The following EDAR variants were observed in gnomAD, a reference collection of about 807,000 sequenced individuals.
EDAR encodes tumor necrosis factor receptor superfamily member EDAR.
A neutral mutation model predicts 51.3 loss-of-function variants in EDAR; 38 were observed. That is an observed-to-expected ratio of 0.74 (90% CI 0.57 to 0.97). The LOEUF (loss-of-function observed/expected upper bound fraction) is 0.97, where lower values mean the gene tolerates loss of function less well. EDAR is among the 50% of genes least tolerant of loss of function. The pLI is 0.00. For synonymous variants in EDAR, 227 were observed against 242.1 expected (o/e 0.94, Z 0.58); for missense variants, 528 against 595.0 (o/e 0.89, Z 1.17).
In EDAR at chr2:108,958,323, C is replaced by T. The variant is rs114253499; in HGVS notation, c.-18-27291G>A. ...ACTGGCTGCTTGAGGTACTTCAGCT[C>T]GTAACGACCACATAATCTAAGATAA... On this transcript the variant is annotated intron_variant, in intron 1 of 11. Coordinates refer to ENST00000258443, the MANE Select transcript of EDAR (RefSeq NM_022336.4). Among the ~76,000 whole-genome samples the T allele has an allele frequency of 1.9e-3, 291 of 152,090 alleles. 1 individual carries two copies. The highest frequency in any genetic ancestry group is 6.4e-3 in the African/African-American group (267 of 41,462).
At chr2:108,975,829 G>A (rs1242505086) in intron 1 of EDAR, among the ~76,000 whole-genome samples, 1 of 152,178 alleles carries the variant, frequency 6.6e-6, no homozygotes, top group Non-Finnish European at 1.5e-5. Flanking sequence ...AGCTCGAGAA[G>A]TCAAGGCCAC....
chr2:108,952,058 T>G (rs1697837420), intron 1 of EDAR, among the ~76,000 whole-genome samples: 1 of 152,232 alleles, frequency 6.6e-6, no homozygotes, highest in Non-Finnish European at 1.5e-5. Flanking sequence ...TGCTTTGTTT[T>G]TTCATTTGTT....
At chr2:108,980,652 G>A (rs1017347808) in intron 1 of EDAR, among the ~76,000 whole-genome samples, 4 of 152,112 alleles carry the variant, frequency 2.6e-5, no homozygotes, top group Non-Finnish European at 5.9e-5. Flanking sequence ...GCCAGGGAGG[G>A]TTTCTCTGAT....
rs761999077 is a variant in EDAR, at chr2:108,901,777, CTT to C, written c.1024+4529_1024+4530del. On this transcript the variant is annotated intron_variant, in intron 11 of 11. Coordinates refer to ENST00000258443, the MANE Select transcript of EDAR (RefSeq NM_022336.4). Reference sequence around the variant, plus strand: ...ATATAAAATAGATCATTTGAACAGACTTATAACTATTAAGGAAGCTGAATTTG... The same window carrying C: ...ATATAAAATAGATCATTTGAACAGACATAACTATTAAGGAAGCTGAATTTG... Among the ~76,000 whole-genome samples the C allele has an allele frequency of 3.9e-5, 6 of 152,304 alleles. No individual in the cohort carries two copies. The East Asian group carries it at 5.8e-4, about 15-fold the overall frequency.
At chr2:108,929,483 G>T (rs1697324898) in intron 3 of EDAR, 104 bp from the exon 4 acceptor site, 1 of 1,250,438 alleles carries the variant, frequency 8.0e-7, no homozygotes. Context: ...GTCTCCAGAA[G>T]CTACTCTTGC....
intron 11 of EDAR, 100 bp from the exon 12 acceptor site, chr2:108,897,329 AAT>A: frequency 8.1e-7 from 1 of 1,228,100 alleles, no homozygotes; most frequent in Non-Finnish European, 1.1e-6. Context: ...ATTTGAAAAA[AAT>A]TTTTTTAAAA....
Position 108,929,254 on chromosome 2 carries a change from G to C in EDAR, c.300C>G (p.Thr100=). Reference sequence around the variant, plus strand: ...TCTCCATGTCCCCTGGTGTCAGCACGGTGGCCCGGAAGAAGCCCTCACAGT... The same window carrying C: ...TCTCCATGTCCCCTGGTGTCAGCACCGTGGCCCGGAAGAAGCCCTCACAGT... ...HKDCEGFFRA[T]VLTPGDMEND... The change falls in exon 4 of 12, where the codon ACC becomes ACG. Residue 100 remains threonine, a synonymous_variant. Coordinates refer to ENST00000258443, the MANE Select transcript of EDAR (RefSeq NM_022336.4). The C allele has an allele frequency of 1.2e-6, 2 of 1,614,170 alleles. No individual in the cohort carries two copies. Among genetic ancestry groups the C allele is most frequent in the Non-Finnish European group, 1.7e-6 (2 of 1,180,034 alleles).
chr2:108,961,275 T>C (rs542004647), intron 1 of EDAR, among the ~76,000 whole-genome samples: 30 of 152,140 alleles, frequency 2.0e-4, no homozygotes, highest in Non-Finnish European at 3.7e-4. Context: ...GTCCTTTCCC[T>C]CCTAAATAAT....
At chr2:108,981,217 G>A (rs1698414729) in intron 1 of EDAR, among the ~76,000 whole-genome samples, 1 of 152,154 alleles carries the variant, frequency 6.6e-6, no homozygotes, top group Non-Finnish European at 1.5e-5. Context: ...ACCAGCACGG[G>A]AAGGGGCTGG....
chr2:108,909,461 G>GGAATCATAGGAAGATCATA (rs1333294284), intron 9 of EDAR, among the ~76,000 whole-genome samples: 2 of 152,288 alleles, frequency 1.3e-5, no homozygotes, highest in East Asian at 3.9e-4. Context: ...GGAAGATCAT[G>GGAATCATAGGAAGATCATA]GGGTGGGGGC....
chr2:108,986,862 G>A (rs934304050), intron 1 of EDAR, among the ~76,000 whole-genome samples: 4 of 152,214 alleles, frequency 2.6e-5, no homozygotes, highest in Non-Finnish European at 5.9e-5. Context: ...CATACTCACA[G>A]GAAAGGCTGG....
Position 108,896,819 on chromosome 2 carries a change from C to T in EDAR, c.*88G>A. ...GTGACATATCACAAAAGCCTTGATT[C>T]TTGGCAGTCTTTTGGCACCACTCAC... On this transcript the variant is annotated 3_prime_UTR_variant, in exon 12 of 12. Transcript: ENST00000258443. 7.5e-7 allele frequency: 1 copy of T among 1,335,556 alleles called. No homozygotes were observed. The highest frequency in any genetic ancestry group is 1.0e-6 in the Non-Finnish European group (1 of 962,904). 82.7% of individuals were successfully genotyped at this position (1,335,556 alleles called of 1,614,324 possible).
At chr2:108,918,889 C>G (rs1223160066) in intron 5 of EDAR, among the ~76,000 whole-genome samples, 1 of 152,188 alleles carries the variant, frequency 6.6e-6, no homozygotes, top group Non-Finnish European at 1.5e-5. Flanking sequence ...GAGCTGTCAA[C>G]AAGGGGTCCC....
Position 108,897,365 on chromosome 2 carries a change from C to G in EDAR, c.1025-136G>C, listed in dbSNP as rs1696620223. Reference sequence around the variant, plus strand: ...AATTATAAAACATGCAGAAAGCCACCTAAAACAAATGCATAACTTAAGGCA... The same window carrying G: ...AATTATAAAACATGCAGAAAGCCACGTAAAACAAATGCATAACTTAAGGCA... On this transcript the variant is annotated intron_variant, in intron 11 of 11. Coordinates refer to ENST00000258443, the MANE Select transcript of EDAR (RefSeq NM_022336.4). 4 of 863,558 alleles carry G rather than the reference C, an allele frequency of 4.6e-6. No homozygotes were observed. The East Asian group carries it at 1.1e-4, about 23-fold the overall frequency. 53.5% of individuals were successfully genotyped at this position (863,558 alleles called of 1,614,324 possible).
intron 6 of EDAR, 145 bp downstream of exon 6, chr2:108,912,533 C>T (rs1216909107): frequency 2.6e-6 from 2 of 771,696 alleles, no homozygotes; most frequent in Admixed American, 4.0e-5. Context: ...CGGGGGGCAA[C>T]ATGTCATTCA....
At chr2:108,953,149 C>T (rs755582157) in intron 1 of EDAR, among the ~76,000 whole-genome samples, 1 of 152,220 alleles carries the variant, frequency 6.6e-6, no homozygotes, top group African/African-American at 2.4e-5. Flanking sequence ...TCCATCTGTG[C>T]TCTTGGAGTC....
rs1491538811 is a variant in EDAR, at chr2:108,894,510, GTT to G, written c.*2395_*2396del. On this transcript the variant is annotated 3_prime_UTR_variant, in exon 12 of 12. Transcript: ENST00000258443. Reference sequence around the variant, plus strand: ...TTATTGAGATTATAAAATATAATAAGTTATATATATACAGAATTAGACAAAAA... The same window carrying G: ...TTATTGAGATTATAAAATATAATAAGATATATATACAGAATTAGACAAAAA... 3 of 151,984 alleles carry G rather than the reference GTT, an allele frequency of 2.0e-5. No individual in the cohort carries two copies. Among genetic ancestry groups the G allele is most frequent in the African/African-American group, 4.9e-5 (2 of 41,092 alleles). 9.4% of individuals were successfully genotyped at this position (151,984 alleles called of 1,614,324 possible).
At chr2:108,939,100 A>G (rs1697536707) in intron 1 of EDAR, among the ~76,000 whole-genome samples, 1 of 152,114 alleles carries the variant, frequency 6.6e-6, no homozygotes. Flanking sequence ...TTATATAAGC[A>G]TAGTAACATG....
chr2:108,927,700 G>C (rs1697284068), intron 4 of EDAR, among the ~76,000 whole-genome samples: 1 of 152,080 alleles, frequency 6.6e-6, no homozygotes, highest in Non-Finnish European at 1.5e-5. Context: ...CCCAGCTCTG[G>C]ATCTCTGCCT....
Sources: gnomAD v4.1 joint callset for allele counts (sites outside exome capture counted in the v4.1 genomes callset) on GRCh38, gnomAD v4.1.1 for gene constraint, MANE v1.5 for transcripts, NCBI Gene and HGNC (gene_info 2026-07-23, HGNC 2026-07-21) for gene names.